The following SGCZ variants were observed in gnomAD, a reference collection of about 807,000 sequenced individuals.
SGCZ encodes zeta-sarcoglycan.
In SGCZ, 40 loss-of-function variants were observed where a neutral mutation model predicts 41.3. That is an observed-to-expected ratio of 0.97 (90% CI 0.75 to 1.26). SGCZ has a LOEUF of 1.26. Among genes scored for constraint, SGCZ ranks in the 50% most tolerant of loss-of-function variants. The pLI is 0.00. For synonymous variants in SGCZ, 206 were observed against 137.5 expected, an observed-to-expected ratio of 1.50 and a Z score of -3.49; for missense variants, 552 against 369.8, an observed-to-expected ratio of 1.49 and a Z score of -4.04.
In SGCZ at chr8:14,086,958, T is replaced by C. The variant is rs1258924714; in HGVS notation, c.*3485A>G. ...TTGATATACCCCTCTCACAGATAAGTGAACTGTGACCAACGTAATTAAATA... is the reference window on the plus strand; with the variant it reads ...TTGATATACCCCTCTCACAGATAAGCGAACTGTGACCAACGTAATTAAATA... On this transcript the variant is annotated 3_prime_UTR_variant, in exon 8 of 8. Coordinates refer to ENST00000382080, the MANE Select transcript of SGCZ (RefSeq NM_139167.4). 6.6e-6 allele frequency among the ~76,000 whole-genome samples: 1 copy of C among 151,614 alleles called. No individual in the cohort carries two copies. Among genetic ancestry groups the C allele is most frequent in the Non-Finnish European group, 1.5e-5 (1 of 67,700 alleles).
chr8:14,781,240 T>C (rs1488755897), intron 1 of SGCZ, among the ~76,000 whole-genome samples: 2 of 152,170 alleles, frequency 1.3e-5, no homozygotes, highest in African/African-American at 4.8e-5. Flanking sequence ...TTACTGTTTT[T>C]TTCTTCTTTG....
chr8:14,523,653 C>A (rs1802855292), intron 2 of SGCZ, among the ~76,000 whole-genome samples: 1 of 151,942 alleles, frequency 6.6e-6, no homozygotes, highest in Non-Finnish European at 1.5e-5. Context: ...CTTTAGATTT[C>A]TTTGAATTTT....
intron 6 of SGCZ, among the ~76,000 whole-genome samples, chr8:14,103,874 A>T (rs558044498): frequency 2.6e-5 from 4 of 152,232 alleles, no homozygotes; most frequent in Admixed American, 6.5e-5. Context: ...TACTATTAGC[A>T]TTTTACGCAC....
intron 3 of SGCZ, among the ~76,000 whole-genome samples, chr8:14,282,040 C>A (rs1261477257): frequency 6.6e-6 from 1 of 152,036 alleles, no homozygotes; most frequent in Non-Finnish European, 1.5e-5. Context: ...ACCATATTGG[C>A]TCTAGTTAAA....
chr8:14,661,455 G>T (rs1807747974), intron 1 of SGCZ, among the ~76,000 whole-genome samples: 1 of 151,986 alleles, frequency 6.6e-6, no homozygotes, highest in South Asian at 2.1e-4. Flanking sequence ...ATATTTCTTT[G>T]GATTGAGTCA....
intron 1 of SGCZ, among the ~76,000 whole-genome samples, chr8:15,152,140 G>C (rs1211093668): frequency 6.6e-6 from 1 of 152,158 alleles, no homozygotes; most frequent in Non-Finnish European, 1.5e-5. Flanking sequence ...TCCTGAGATA[G>C]CATGAAAGTG....
At chr8:15,011,948 A>G (rs2130927401) in intron 1 of SGCZ, among the ~76,000 whole-genome samples, 1 of 152,284 alleles carries the variant, frequency 6.6e-6, no homozygotes, top group South Asian at 2.1e-4. Flanking sequence ...TAATTTTGGC[A>G]TAATTTACCA....
At chr8:14,346,096 T>C (rs997351774) in intron 2 of SGCZ, among the ~76,000 whole-genome samples, 25 of 152,118 alleles carry the variant, frequency 1.6e-4, no homozygotes, top group African/African-American at 6.0e-4. Flanking sequence ...TTAATAATTA[T>C]ATGTCAATAT....
chr8:14,145,121 C>T (rs1803482559), intron 5 of SGCZ, among the ~76,000 whole-genome samples: 1 of 152,158 alleles, frequency 6.6e-6, no homozygotes. Context: ...ATACAGAGGC[C>T]TGGGACAAGA....
At chr8:14,406,226 T>C (rs1040984079) in intron 2 of SGCZ, among the ~76,000 whole-genome samples, 1 of 152,122 alleles carries the variant, frequency 6.6e-6, no homozygotes, top group Non-Finnish European at 1.5e-5. Context: ...ACTGGTTCCA[T>C]CTTCCGATGT....
chr8:14,160,400 C>CT (rs1203168026), intron 5 of SGCZ, among the ~76,000 whole-genome samples: 1 of 151,990 alleles, frequency 6.6e-6, no homozygotes, highest in East Asian at 1.9e-4. Flanking sequence ...AGGTTTATTC[C>CT]TTTTTTTGTT....
chr8:14,166,709 C>T (rs1263322516), intron 4 of SGCZ, among the ~76,000 whole-genome samples: 1 of 152,012 alleles, frequency 6.6e-6, no homozygotes, highest in Non-Finnish European at 1.5e-5. Context: ...CTTTTCTTGG[C>T]ATAACACTTA....
intron 1 of SGCZ, among the ~76,000 whole-genome samples, chr8:14,687,990 C>A (rs1375209987): frequency 1.3e-5 from 2 of 152,146 alleles, no homozygotes; most frequent in Non-Finnish European, 2.9e-5. Flanking sequence ...GCATAAATGT[C>A]TTCTTTTGAG....
At chr8:14,676,294 G>C (rs1585174372) in intron 1 of SGCZ, among the ~76,000 whole-genome samples, 1 of 151,822 alleles carries the variant, frequency 6.6e-6, no homozygotes, top group East Asian at 1.9e-4. Flanking sequence ...CCAGGAGTTT[G>C]AGACCAGCCT....
chr8:15,191,138 T>C (rs1215429436), intron 1 of SGCZ, among the ~76,000 whole-genome samples: 2 of 152,068 alleles, frequency 1.3e-5, no homozygotes, highest in African/African-American at 4.8e-5. Flanking sequence ...GCAGTGCATA[T>C]AAAAAAATCT....
At position 14,361,139 on chromosome 8, in the gene SGCZ, T is replaced by C. The variant is rs1012880962; in HGVS notation, c.235-36935A>G. Reference sequence around the variant, plus strand: ...ACTCGCTAATTGGATTGTTTCTTTGTTAAGCTGCTGAGTTTTGAACATTCT... The same window carrying C: ...ACTCGCTAATTGGATTGTTTCTTTGCTAAGCTGCTGAGTTTTGAACATTCT... On this transcript the variant is annotated intron_variant, in intron 2 of 7. Transcript: ENST00000382080. 2.0e-5 allele frequency among the ~76,000 whole-genome samples: 3 copies of C among 152,216 alleles called. No homozygotes were observed. In the South Asian group the frequency reaches 6.2e-4, roughly 31 times the overall value.
At chr8:14,641,764 C>T (rs981698323) in intron 1 of SGCZ, among the ~76,000 whole-genome samples, 1 of 151,570 alleles carries the variant, frequency 6.6e-6, no homozygotes, top group Non-Finnish European at 1.5e-5. Context: ...CACTTTCTAG[C>T]GTATGGGCTA....
chr8:14,193,209 C>T (rs1446715928), intron 4 of SGCZ, among the ~76,000 whole-genome samples: 1 of 151,796 alleles, frequency 6.6e-6, no homozygotes, highest in Non-Finnish European at 1.5e-5. Context: ...TTTACTCCTG[C>T]CATGTATATG....
chr8:14,183,397 A>C (rs1804795006), intron 4 of SGCZ, among the ~76,000 whole-genome samples: 1 of 152,168 alleles, frequency 6.6e-6, no homozygotes, highest in African/African-American at 2.4e-5. Flanking sequence ...TCTCCAACAG[A>C]TTTCATGAGG....
Sources: allele counts gnomAD v4.1 joint callset (sites outside exome capture counted in the v4.1 genomes callset), GRCh38; gene constraint gnomAD v4.1.1; transcripts MANE v1.5; gene names NCBI Gene and HGNC (gene_info 2026-07-23, HGNC 2026-07-21).